KCNK2: variants seen among roughly 807,000 people sequenced by gnomAD.
The protein encoded by KCNK2 is potassium two pore domain channel subfamily K member 2.
A neutral mutation model predicts 40.5 loss-of-function variants in KCNK2; 21 were observed. The observed-to-expected ratio is 0.52, with a 90% CI of 0.37 to 0.75. KCNK2 has a LOEUF of 0.75. KCNK2 is among the 30% of genes least tolerant of loss of function. KCNK2 has a pLI of 0.00. For missense variants in KCNK2, 399 were observed against 531.6 expected (o/e 0.75, Z 2.45); for synonymous variants, 191 against 202.2 (o/e 0.94, Z 0.47).
chr1:215,036,308 A>G (rs1657383938), intron 1 of KCNK2, among the ~76,000 whole-genome samples: 1 of 151,878 alleles, frequency 6.6e-6, no homozygotes, highest in Non-Finnish European at 1.5e-5. Context: ...CCCTTCCTCC[A>G]CTGAAATTCT....
intron 2 of KCNK2, among the ~76,000 whole-genome samples, chr1:215,087,303 C>T (rs535959743): frequency 2.0e-5 from 3 of 152,154 alleles, no homozygotes; most frequent in Admixed American, 6.5e-5. Flanking sequence ...GCTTCTCTAA[C>T]CCCCAGCTAA....
intron 1 of KCNK2, among the ~76,000 whole-genome samples, chr1:215,006,318 T>A (rs1210896992): frequency 6.6e-6 from 1 of 152,242 alleles, no homozygotes; most frequent in Non-Finnish European, 1.5e-5. Flanking sequence ...CTGTGGTTAG[T>A]CCTGTCATCA....
At position 215,134,212 on chromosome 1, in the gene KCNK2, G is replaced by T. The variant is rs113621602; in HGVS notation, c.475+9462G>T. ...GCAGTTCTCCACTGGACACCAGCTG[G>T]GTTTCCTCTACTTCAATTCAATTCT... On this transcript the variant is annotated intron_variant, in intron 3 of 6. Coordinates refer to ENST00000444842, the MANE Select transcript of KCNK2 (RefSeq NM_001017425.3). 2.2e-3 allele frequency among the ~76,000 whole-genome samples: 340 copies of T among 152,220 alleles called. 2 individuals carry two copies. Among genetic ancestry groups the T allele is most frequent in the African/African-American group, 7.8e-3 (324 of 41,544 alleles).
At chr1:215,140,747 A>G (rs1662137336) in intron 3 of KCNK2, among the ~76,000 whole-genome samples, 2 of 152,134 alleles carry the variant, frequency 1.3e-5, no homozygotes, top group Non-Finnish European at 1.5e-5. Context: ...GGCCGAGGAC[A>G]TTGGTGCACA....
chr1:215,195,603 G>GTA (rs1664831792), intron 6 of KCNK2, among the ~76,000 whole-genome samples: 1 of 151,928 alleles, frequency 6.6e-6, no homozygotes, highest in African/African-American at 2.4e-5. Flanking sequence ...CGTTTTCCCT[G>GTA]TATATAGATT....
chr1:215,133,707 G>A (rs1179885066), intron 3 of KCNK2, among the ~76,000 whole-genome samples: 1 of 151,148 alleles, frequency 6.6e-6, no homozygotes, highest in Admixed American at 6.6e-5. Flanking sequence ...GGTGCATATT[G>A]CATGATGTTT....
At chr1:215,187,221 T>C (rs898155067) in intron 5 of KCNK2, among the ~76,000 whole-genome samples, 4 of 152,144 alleles carry the variant, frequency 2.6e-5, no homozygotes, top group Non-Finnish European at 4.4e-5. Context: ...CTTTCTGCCT[T>C]GGCTGCCCAA....
chr1:215,187,172 G>A lies in KCNK2; in HGVS notation c.824-7781G>A, dbSNP rs371905213. Among the ~76,000 whole-genome samples, 85 of 152,092 alleles carry A rather than the reference G, an allele frequency of 5.6e-4. No homozygotes were observed. The South Asian group carries it at 0.017, about 31-fold the overall frequency. On this transcript the variant is annotated intron_variant, in intron 5 of 6. Transcript: ENST00000444842. ...TTTTTGTAGAGATGAGATCTCCTTCGTTGCCCATGCTGGTCTTGAACTCCT... is the reference window on the plus strand; with the variant it reads ...TTTTTGTAGAGATGAGATCTCCTTCATTGCCCATGCTGGTCTTGAACTCCT...
intron 5 of KCNK2, among the ~76,000 whole-genome samples, chr1:215,182,067 G>C (rs1160530096): frequency 1.3e-5 from 2 of 152,172 alleles, no homozygotes; most frequent in Non-Finnish European, 2.9e-5. Flanking sequence ...GAGAGTAGTT[G>C]CTCCAGATGC....
intron 1 of KCNK2, among the ~76,000 whole-genome samples, chr1:215,074,997 C>T (rs1483017555): frequency 6.6e-6 from 1 of 152,022 alleles, no homozygotes; most frequent in African/African-American, 2.4e-5. Flanking sequence ...ATATCTTATT[C>T]TCTGTTGGGC....
intron 1 of KCNK2, among the ~76,000 whole-genome samples, chr1:215,032,384 G>C (rs759152245): frequency 6.6e-6 from 1 of 151,912 alleles, no homozygotes; most frequent in African/African-American, 2.4e-5. Context: ...CTCCAGCCTG[G>C]GTGACAGAGT....
At chr1:215,165,842 C>A (rs1396096251) in intron 3 of KCNK2, among the ~76,000 whole-genome samples, 1 of 151,186 alleles carries the variant, frequency 6.6e-6, no homozygotes, top group Non-Finnish European at 1.5e-5. Flanking sequence ...TAACAATATG[C>A]CCTGTTAACA....
chr1:215,009,454 A>G (rs1656299867), intron 1 of KCNK2, among the ~76,000 whole-genome samples: 1 of 152,120 alleles, frequency 6.6e-6, no homozygotes, highest in South Asian at 2.1e-4. Flanking sequence ...TTACATATAT[A>G]TATCATTTCA....
At chr1:215,097,498 GA>G (rs969423661) in intron 2 of KCNK2, among the ~76,000 whole-genome samples, 8 of 96,348 alleles carry the variant, frequency 8.3e-5, no homozygotes, top group Non-Finnish European at 1.4e-4. Flanking sequence ...TGTTAATAAA[GA>G]AAAATTTTTT....
At chr1:215,105,540 T>G (rs1354428767) in intron 2 of KCNK2, among the ~76,000 whole-genome samples, 1 of 152,112 alleles carries the variant, frequency 6.6e-6, no homozygotes, top group East Asian at 1.9e-4. Flanking sequence ...GAAATGCACA[T>G]ATTTCTTGAA....
At chr1:215,048,603 A>G (rs1370613210) in intron 1 of KCNK2, among the ~76,000 whole-genome samples, 1 of 152,196 alleles carries the variant, frequency 6.6e-6, no homozygotes, top group East Asian at 1.9e-4. Flanking sequence ...TTTGACTTAA[A>G]TTTTATTCAA....
At chr1:215,070,404 A>C (rs1341097954) in intron 1 of KCNK2, among the ~76,000 whole-genome samples, 1 of 129,414 alleles carries the variant, frequency 7.7e-6, no homozygotes, top group Admixed American at 8.3e-5. Context: ...CAACAGAGTG[A>C]GACCCCGTCT....
intron 5 of KCNK2, among the ~76,000 whole-genome samples, chr1:215,176,583 G>A (rs925649916): frequency 6.6e-6 from 1 of 152,142 alleles, no homozygotes; most frequent in Admixed American, 6.6e-5. Flanking sequence ...GTGAGAATAT[G>A]TGGTGTTTGG....
At chr1:215,173,583 C>A (rs9793382) in intron 5 of KCNK2, among the ~76,000 whole-genome samples, 116,578 of 151,682 alleles carry the variant, frequency 0.77, 45,080 homozygotes, top group African/African-American at 0.79. Context: ...TACAGTCCCA[C>A]CAACAGTGTA....
Sources: gnomAD v4.1 joint callset for allele counts (sites outside exome capture counted in the v4.1 genomes callset) on GRCh38, gnomAD v4.1.1 for gene constraint, MANE v1.5 for transcripts, NCBI Gene and HGNC (gene_info 2026-07-23, HGNC 2026-07-21) for gene names.